Variants in PLEKHA5 observed in about 807,000 individuals in gnomAD.
The protein encoded by PLEKHA5 is pleckstrin homology domain containing A5.
A neutral mutation model predicts 181.9 loss-of-function variants in PLEKHA5; 55 were observed. That is an observed-to-expected ratio of 0.30 (90% confidence interval 0.24 to 0.38). The LOEUF (loss-of-function observed/expected upper bound fraction) is 0.38. Ranked by LOEUF, PLEKHA5 falls within the 10% of genes least tolerant of loss-of-function variation. The pLI is 1.00. For synonymous variants in PLEKHA5, 535 were observed against 529.4 expected (o/e 1.01, Z -0.15); for missense variants, 1,432 against 1,549.5 (o/e 0.92, Z 1.27).
At chr12:19,318,651 G>C (rs1295570868) in intron 16 of PLEKHA5, among the ~76,000 whole-genome samples, 1 of 152,126 alleles carries the variant, frequency 6.6e-6, no homozygotes, top group Non-Finnish European at 1.5e-5. Context: ...GGCTGGGCGT[G>C]GTGGCTCACG....
At chr12:19,165,720 T>TTA (rs2044199214) in intron 3 of PLEKHA5, among the ~76,000 whole-genome samples, 1 of 152,198 alleles carries the variant, frequency 6.6e-6, no homozygotes. Context: ...CTTCCTACAC[T>TTA]TAGTAGTTTG....
intron 3 of PLEKHA5, among the ~76,000 whole-genome samples, chr12:19,136,005 G>A (rs115603141): frequency 1.3e-5 from 2 of 150,604 alleles, no homozygotes; most frequent in Admixed American, 6.7e-5. Flanking sequence ...TCAGCCTTAC[G>A]AGTAGCTGGG....
chr12:19,213,673 GA>G (rs1565474129), intron 3 of PLEKHA5, among the ~76,000 whole-genome samples: 1 of 152,154 alleles, frequency 6.6e-6, no homozygotes. Context: ...TAGTACAGTT[GA>G]AAATGGGACA....
At position 19,214,269 on chromosome 12, in the gene PLEKHA5, A is replaced by C. The variant is rs371159225; in HGVS notation, c.228-39671A>C. On this transcript the variant is annotated intron_variant, in intron 3 of 31. Coordinates refer to ENST00000429027, the MANE Select transcript of PLEKHA5 (RefSeq NM_001256470.2). ...GAGTGTTAACTGTCTCAGGTGCTAC[A>C]CATCAGTCCTTTGAGATGCGGACCA... Among the ~76,000 whole-genome samples the C allele has an allele frequency of 3.9e-5, 6 of 152,350 alleles. No individual in the cohort carries two copies. The East Asian group carries it at 9.6e-4, about 24-fold the overall frequency.
At position 19,130,001 on chromosome 12, in the gene PLEKHA5, C is replaced by T. The variant is rs1341382544; in HGVS notation, c.90-50C>T. 3 of 1,492,116 alleles carry T rather than the reference C, an allele frequency of 2.0e-6. No homozygotes were observed. The highest frequency in any genetic ancestry group is 2.5e-5 in the East Asian group (1 of 39,560). 92.4% of individuals were successfully genotyped at this position (1,492,116 alleles called of 1,614,324 possible). ...TGCTCCTGCAGCCCCTCGGCTCGCC[C>T]CCGCGTCCCCTCTCACGCTCCGTGT... is the stretch of plus-strand genomic sequence containing the variant. On this transcript the variant is annotated intron_variant, in intron 1 of 31. Transcript: ENST00000429027. This position sits in a 1 kb window ranked among gnomAD's most constrained non-coding sequence, Gnocchi z 4.5.
chr12:19,170,073 C>T (rs945240903), intron 3 of PLEKHA5, among the ~76,000 whole-genome samples: 3 of 152,236 alleles, frequency 2.0e-5, no homozygotes, highest in African/African-American at 4.8e-5. Flanking sequence ...TAACCTCTAG[C>T]CCTGAGTTAA....
chr12:19,142,900 G>T (rs1474930977), intron 3 of PLEKHA5, among the ~76,000 whole-genome samples: 1 of 151,772 alleles, frequency 6.6e-6, no homozygotes, highest in Non-Finnish European at 1.5e-5. Flanking sequence ...TTTTCTTTTT[G>T]TCTGGTTTAT....
chr12:19,342,076 A>G (rs2093980085), intron 21 of PLEKHA5, among the ~76,000 whole-genome samples: 2 of 152,114 alleles, frequency 1.3e-5, no homozygotes, highest in African/African-American at 4.8e-5. Flanking sequence ...TAGCATATTG[A>G]TGCAATACTG....
intron 3 of PLEKHA5, among the ~76,000 whole-genome samples, chr12:19,178,433 AC>A (rs1378012112): frequency 1.3e-5 from 2 of 152,188 alleles, no homozygotes; most frequent in African/African-American, 4.8e-5. Flanking sequence ...AGTTAGAGAG[AC>A]AGGTGCAGCA....
rs771744506 is a variant in PLEKHA5, at chr12:19,274,821, T to C, written c.1151T>C (p.Ile384Thr). 2.0e-5 allele frequency: 32 copies of C among 1,613,968 alleles called. No individual in the cohort carries two copies. The South Asian group carries it at 3.4e-4, about 17-fold the overall frequency. The stretch of plus-strand genomic sequence containing the variant: ...AACTTGAGCAGTTCAGAGAACAAAA[T>C]AGTCAATGTTAGCCTGGCAGATCTT... ...PINLSSSENK[I>T]VNVSLADLRG... is the part of the protein sequence containing the mutation. Residue 384 changes from isoleucine to threonine, a missense_variant, in exon 11 of 32, where the codon ATA (isoleucine) becomes ACA (threonine). Ile to Thr is a moderately conservative substitution (Grantham distance 89). Coordinates refer to ENST00000429027, the MANE Select transcript of PLEKHA5 (RefSeq NM_001256470.2).
At chr12:19,314,473 A>C (rs2087786731) in intron 15 of PLEKHA5, among the ~76,000 whole-genome samples, 1 of 152,136 alleles carries the variant, frequency 6.6e-6, no homozygotes, top group East Asian at 1.9e-4. Flanking sequence ...CTGATTGTGT[A>C]GGTTCTCACC....
chr12:19,154,862 A>G (rs1276429749), intron 3 of PLEKHA5, among the ~76,000 whole-genome samples: 3 of 152,330 alleles, frequency 2.0e-5, no homozygotes, highest in Admixed American at 1.3e-4. Context: ...AGAAATGACA[A>G]GCTTTGCCCT....
At chr12:19,354,218 CT>C (rs1196446906) in intron 26 of PLEKHA5, among the ~76,000 whole-genome samples, 1 of 116,430 alleles carries the variant, frequency 8.6e-6, no homozygotes, top group Non-Finnish European at 1.6e-5. Context: ...GTGGCGCGAT[CT>C]CGGCTCACTG....
chr12:19,372,395 G>GTTTTTTTTTTTTTTTTTTTTTTTTT (rs34877323), intron 31 of PLEKHA5: 1 of 139,224 alleles, frequency 7.2e-6, no homozygotes, highest in Non-Finnish European at 1.6e-5. Context: ...GGGATTATTT[G>GTTTTTTTTTTTTTTTTTTTTTTTTT]TTTTTGTTTT....
intron 11 of PLEKHA5, among the ~76,000 whole-genome samples, chr12:19,280,899 C>G (rs1041726720): frequency 6.6e-6 from 1 of 151,650 alleles, no homozygotes; most frequent in East Asian, 1.9e-4. Context: ...TTAGTAGAGA[C>G]AGGGTTTCAC....
At chr12:19,183,845 G>A (rs1355853965) in intron 3 of PLEKHA5, among the ~76,000 whole-genome samples, 1 of 152,006 alleles carries the variant, frequency 6.6e-6, no homozygotes, top group African/African-American at 2.4e-5. Context: ...TCCCGAGTAG[G>A]TGGGACTACA....
chr12:19,337,801 A>C (rs1592544686), intron 21 of PLEKHA5, among the ~76,000 whole-genome samples: 2 of 151,836 alleles, frequency 1.3e-5, no homozygotes, highest in East Asian at 3.9e-4. Flanking sequence ...AAAATACAAA[A>C]TTAGCCAGGA....
intron 21 of PLEKHA5, among the ~76,000 whole-genome samples, chr12:19,336,983 C>CTTTTTT (rs1227139242): frequency 1.3e-4 from 15 of 112,658 alleles, no homozygotes; most frequent in South Asian, 3.0e-4. Flanking sequence ...TATCTTTTAT[C>CTTTTTT]TTTTTTTTTT....
Position 19,237,995 on chromosome 12 carries a change from C to A in PLEKHA5, c.228-15945C>A, listed in dbSNP as rs755274301. Among the ~76,000 whole-genome samples the A allele has an allele frequency of 3.3e-5, 5 of 151,944 alleles. No individual in the cohort carries two copies. In the East Asian group the frequency reaches 5.8e-4, roughly 18 times the overall value. On this transcript the variant is annotated intron_variant, in intron 3 of 31. Transcript: ENST00000429027. ...ACAAACAAAAGCCTACAAAGTCTTA[C>A]ATTTTGCTATTTCTCGCATAATTGT...
Sources: gnomAD v4.1 joint callset for allele counts (sites outside exome capture counted in the v4.1 genomes callset) on GRCh38, gnomAD v4.1.1 for gene constraint, Gnocchi (gnomAD v3.1) non-coding constraint, MANE v1.5 for transcripts, NCBI Gene and HGNC (gene_info 2026-07-23, HGNC 2026-07-21) for gene names.